The following SKAP2 variants were observed in gnomAD, a reference collection of about 807,000 sequenced individuals.
The protein encoded by SKAP2 is src kinase-associated phosphoprotein 2.
Under a neutral mutation model 54.9 loss-of-function variants are expected in SKAP2, and 28 were observed. That is an observed-to-expected ratio of 0.51 (90% CI 0.38 to 0.70). SKAP2 has a LOEUF of 0.70. Ranked by LOEUF, SKAP2 falls within the 30% of genes least tolerant of loss-of-function variation. The probability of loss-of-function intolerance (pLI) is 0.00; values close to 1 mark genes in which losing one functional copy is unlikely to be tolerated. For synonymous variants in SKAP2, 137 were observed against 134.3 expected (o/e 1.02, Z -0.14); for missense variants, 356 against 424.1 (o/e 0.84, Z 1.41).
At chr7:26,657,389 T>A in the SKAP2 span, among the ~76,000 whole-genome samples, 1 of 152,162 alleles carries the variant, frequency 6.6e-6, no homozygotes, top group East Asian at 1.9e-4. Context: ...CTGCTTCCCA[T>A]CAAAATTCAT....
At chr7:26,663,452 T>C (rs1333766533), downstream of SKAP2, among the ~76,000 whole-genome samples, 1 of 152,150 alleles carries the variant, frequency 6.6e-6, no homozygotes, top group Non-Finnish European at 1.5e-5. Context: ...ACTGCTTGGG[T>C]GTCCACGGAA....
At chr7:26,767,884 T>C (rs1783097095) in intron 4 of SKAP2, among the ~76,000 whole-genome samples, 1 of 152,232 alleles carries the variant, frequency 6.6e-6, no homozygotes, top group Non-Finnish European at 1.5e-5. Context: ...CTTCCAATTA[T>C]GTGGTCAATT....
chr7:26,805,353 T>A (rs1280431467), intron 4 of SKAP2, among the ~76,000 whole-genome samples: 1 of 152,218 alleles, frequency 6.6e-6, no homozygotes, highest in Non-Finnish European at 1.5e-5. Flanking sequence ...TATGCTGATT[T>A]TAAAATGAGT....
intron 4 of SKAP2, among the ~76,000 whole-genome samples, chr7:26,759,783 AT>A (rs1382696617): frequency 6.6e-6 from 1 of 152,182 alleles, no homozygotes; most frequent in East Asian, 1.9e-4. Flanking sequence ...ATTTCCTGTT[AT>A]CCCCATCTTT....
chr7:26,774,499 T>C (rs555864752), intron 4 of SKAP2, among the ~76,000 whole-genome samples: 71 of 149,266 alleles, frequency 4.8e-4, no homozygotes, highest in African/African-American at 1.8e-3. Context: ...CAAGATCAAG[T>C]TGTGTGTGTG....
At position 26,679,483 on chromosome 7, in the gene SKAP2, C is replaced by T. The variant is rs369139360; in HGVS notation, c.987+5253G>A. 1.4e-4 allele frequency among the ~76,000 whole-genome samples: 22 copies of T among 152,282 alleles called. No individual in the cohort carries two copies. In the South Asian group the frequency reaches 4.1e-3, roughly 29 times the overall value. ...ACTCTAGACCATACATCCATACTGA[C>T]AGCATACAAACTAAATGTCATCGGA... On this transcript the variant is annotated intron_variant, in intron 11 of 12. Transcript: ENST00000345317.
At chr7:26,839,626 CAT>C (rs1784780962) in intron 4 of SKAP2, among the ~76,000 whole-genome samples, 1 of 151,896 alleles carries the variant, frequency 6.6e-6, no homozygotes, top group Non-Finnish European at 1.5e-5. Flanking sequence ...AACATTGTTT[CAT>C]AGTTATCCTA....
intron 6 of SKAP2, among the ~76,000 whole-genome samples, chr7:26,737,107 G>C (rs1003523237): frequency 1.3e-5 from 2 of 152,132 alleles, no homozygotes; most frequent in African/African-American, 4.8e-5. Flanking sequence ...GATTCTTAAA[G>C]AAATTAGAAA....
rs371976338 is a variant in SKAP2 at position 26,667,821 on chromosome 7, G to T, written c.*1845C>A. On this transcript the variant is annotated 3_prime_UTR_variant, in exon 13 of 13. Coordinates refer to ENST00000345317, the MANE Select transcript of SKAP2 (RefSeq NM_003930.5). ...AAAGCACAAACCCAAATCCACAAAG[G>T]CTACATTGTCATGGGAAACAACGGC... 1 of 152,398 alleles carries T rather than the reference G, an allele frequency of 6.6e-6. No individual in the cohort carries two copies. The highest frequency in any genetic ancestry group is 1.5e-5 in the Non-Finnish European group (1 of 68,032). The allele number at this position is 152,398 out of a possible 1,614,324, so 9.4% of individuals were successfully genotyped here. A position where few individuals can be genotyped will look rare whatever the true frequency, so the allele number is the denominator to read the frequency against.
rs565685410 is a variant in SKAP2, at chr7:26,686,338, G to A, written c.875-1490C>T. On this transcript the variant is annotated intron_variant, in intron 10 of 12. Coordinates refer to ENST00000345317, the MANE Select transcript of SKAP2 (RefSeq NM_003930.5). ...TAAAAAAACAAGGGACAATGGGAGT[G>A]GAGAGAGAAGGAGGAAGAGAAAGGA... Among the ~76,000 whole-genome samples, 60 of 152,162 alleles carry A rather than the reference G, an allele frequency of 3.9e-4. No homozygotes were observed. The Middle Eastern group carries it at 0.01, about 26-fold the overall frequency.
At chr7:26,735,312 C>CA (rs1320231732) in intron 6 of SKAP2, among the ~76,000 whole-genome samples, 13 of 152,230 alleles carry the variant, frequency 8.5e-5, no homozygotes, top group South Asian at 8.3e-4. Flanking sequence ...GAATAAGACT[C>CA]ACGACAATCA....
At position 26,693,942 on chromosome 7, in the gene SKAP2, T is replaced by C. The variant is rs192519650; in HGVS notation, c.797-3580A>G. Among the ~76,000 whole-genome samples the C allele has an allele frequency of 1.5e-3, 226 of 152,172 alleles. 1 individual carries two copies. The highest frequency in any genetic ancestry group is 5.2e-3 in the African/African-American group (217 of 41,516). On this transcript the variant is annotated intron_variant, in intron 9 of 12. Transcript: ENST00000345317. ...ATAGAACTTGGCACAAAGGAGATGT[T>C]CGATAAATACAGAATAAACAAATGG...
At chr7:26,707,870 T>G (rs1015633237) in intron 9 of SKAP2, among the ~76,000 whole-genome samples, 4 of 152,176 alleles carry the variant, frequency 2.6e-5, no homozygotes, top group African/African-American at 9.7e-5. Flanking sequence ...AGCATGGTAT[T>G]CCCAAGCCAA....
intron 11 of SKAP2, 99 bp downstream of exon 11, chr7:26,684,637 T>G: frequency 1.5e-6 from 1 of 674,824 alleles, no homozygotes; most frequent in Non-Finnish European, 2.6e-6. Context: ...CTAGAAGAAT[T>G]CCAATTGGCA....
At chr7:26,838,553 T>G (rs1204710029) in intron 4 of SKAP2, among the ~76,000 whole-genome samples, 2 of 152,226 alleles carry the variant, frequency 1.3e-5, no homozygotes, top group Non-Finnish European at 2.9e-5. Context: ...ACCTGGTTTC[T>G]GAGCTTGAAC....
chr7:26,716,324 A>G (rs1459897929), intron 9 of SKAP2, among the ~76,000 whole-genome samples: 1 of 147,716 alleles, frequency 6.8e-6, no homozygotes, highest in African/African-American at 2.5e-5. Context: ...GATGAATTTG[A>G]GCTTTATCTT....
downstream of SKAP2, among the ~76,000 whole-genome samples, chr7:26,664,370 T>C (rs752661047): frequency 2.9e-4 from 44 of 152,194 alleles, no homozygotes; most frequent in Admixed American, 9.8e-4. Context: ...TAAACTGTTA[T>C]CATCACATTT....
At chr7:26,705,196 A>AT (rs58384394) in intron 9 of SKAP2, among the ~76,000 whole-genome samples, 1 of 152,072 alleles carries the variant, frequency 6.6e-6, no homozygotes, top group African/African-American at 2.4e-5. Flanking sequence ...ATAACAACTG[A>AT]TTTTTTTTAA....
intron 4 of SKAP2, among the ~76,000 whole-genome samples, chr7:26,741,048 G>A (rs1180699240): frequency 1.3e-5 from 2 of 152,136 alleles, no homozygotes; most frequent in South Asian, 2.1e-4. Flanking sequence ...TCTAGCAAGT[G>A]AAAACAACCA....
Sources: gnomAD v4.1 joint callset for allele counts (sites outside exome capture counted in the v4.1 genomes callset) on GRCh38, gnomAD v4.1.1 for gene constraint, MANE v1.5 for transcripts, NCBI Gene and HGNC (gene_info 2026-07-23, HGNC 2026-07-21) for gene names.